Variants in PDHX observed in about 807,000 individuals in gnomAD.
PDHX encodes pyruvate dehydrogenase protein X component, mitochondrial.
PDHX carries 33 observed loss-of-function variants against 55.3 expected under a neutral mutation model. The ratio of observed to expected loss-of-function variants is 0.60; its 90% CI spans 0.45 to 0.80. The LOEUF is 0.80. Ranked by LOEUF, PDHX falls within the 30% of genes least tolerant of loss-of-function variation. The pLI is 0.00. For missense variants in PDHX, 622 were observed against 619.9 expected, an observed-to-expected ratio of 1.00 and a Z score of -0.04; for synonymous variants, 226 against 219.4, an observed-to-expected ratio of 1.03 and a Z score of -0.27.
chr11:34,916,845 T>G, intron 1 of PDHX, 30 bp downstream of exon 1: 38 of 1,537,192 alleles, frequency 2.5e-5, no homozygotes, highest in Non-Finnish European at 3.3e-5. Flanking sequence ...TCAGCTTCTC[T>G]GTGTAGCTGA....
chr11:34,992,654 C>T (rs923861760), intron 10 of PDHX, among the ~76,000 whole-genome samples: 3 of 152,050 alleles, frequency 2.0e-5, no homozygotes, highest in African/African-American at 7.2e-5. Context: ...TGACCCACCC[C>T]CAATATTAAT....
intron 1 of PDHX, among the ~76,000 whole-genome samples, chr11:34,918,454 A>G (rs1163196493): frequency 1.5e-5 from 2 of 134,006 alleles, no homozygotes; most frequent in Non-Finnish European, 3.2e-5. Context: ...AAAAAAAAAA[A>G]AGTATACATA....
At chr11:34,947,401 G>A (rs1854646213) in intron 2 of PDHX, 105 bp from the exon 3 acceptor site, 1 of 770,940 alleles carries the variant, frequency 1.3e-6, no homozygotes, top group African/African-American at 1.8e-5. Context: ...CCCAGAAATA[G>A]CTACGGAATA....
chr11:34,930,557 A>G (rs562063761), intron 1 of PDHX, among the ~76,000 whole-genome samples: 17 of 152,340 alleles, frequency 1.1e-4, no homozygotes, highest in East Asian at 3.9e-4. Context: ...AATAGGGTCT[A>G]TGGAAAGCTA....
At chr11:34,970,912 A>T (rs966285464) in intron 7 of PDHX, among the ~76,000 whole-genome samples, 2 of 152,214 alleles carry the variant, frequency 1.3e-5, no homozygotes, top group Admixed American at 6.5e-5. Flanking sequence ...TTTTTTTAAA[A>T]GCAAAAGTGG....
chr11:34,918,469 C>T (rs1455475551), intron 1 of PDHX, among the ~76,000 whole-genome samples: 1 of 151,502 alleles, frequency 6.6e-6, no homozygotes, highest in African/African-American at 2.4e-5. Context: ...TACATAGGCC[C>T]AGTTTAATGC....
chr11:34,984,534 G>T, intron 8 of PDHX, 36 bp from the exon 9 acceptor site: 1 of 1,603,776 alleles, frequency 6.2e-7, no homozygotes. Context: ...GTCTAAAGCT[G>T]CTTTTTTAGT....
chr11:34,935,577 C>A (rs1234461586), intron 2 of PDHX, among the ~76,000 whole-genome samples: 2 of 152,126 alleles, frequency 1.3e-5, no homozygotes, highest in African/African-American at 4.8e-5. Flanking sequence ...TCTTTTAGCA[C>A]CCTATGTAGC....
intron 9 of PDHX, among the ~76,000 whole-genome samples, chr11:34,985,080 T>A (rs1855611822): frequency 6.6e-6 from 1 of 152,236 alleles, no homozygotes; most frequent in Admixed American, 6.5e-5. Flanking sequence ...TGTATTTCTA[T>A]GGACCTCAAT....
At chr11:34,989,317 C>G (rs11032970) in intron 9 of PDHX, among the ~76,000 whole-genome samples, 7,768 of 152,242 alleles carry the variant, frequency 0.051, 283 homozygotes, top group African/African-American at 0.098. Flanking sequence ...ATTTCAGGCA[C>G]CTACTGTGGG....
At chr11:34,945,859 A>C (rs1308158227) in intron 2 of PDHX, among the ~76,000 whole-genome samples, 1 of 152,184 alleles carries the variant, frequency 6.6e-6, no homozygotes, top group African/African-American at 2.4e-5. Context: ...AGCTACACAG[A>C]TCCGTATGCC....
chr11:34,969,163 G>A (rs551710790), intron 6 of PDHX, among the ~76,000 whole-genome samples: 2 of 152,104 alleles, frequency 1.3e-5, no homozygotes, highest in African/African-American at 4.8e-5. Flanking sequence ...TTTATGGTAG[G>A]CTATGCTAAG....
chr11:34,953,640 A>G (rs932788868), intron 3 of PDHX, among the ~76,000 whole-genome samples: 4 of 152,160 alleles, frequency 2.6e-5, no homozygotes, highest in Admixed American at 6.5e-5. Context: ...GCTGCATGAT[A>G]ATTTTGATCA....
intron 9 of PDHX, among the ~76,000 whole-genome samples, chr11:34,986,847 T>C (rs1317757819): frequency 6.6e-6 from 1 of 152,214 alleles, no homozygotes; most frequent in East Asian, 1.9e-4. Flanking sequence ...TTTGCTGAGC[T>C]ATGGCTGCCC....
chr11:34,949,292 A>G (rs1017752485), intron 3 of PDHX, among the ~76,000 whole-genome samples: 1 of 130,492 alleles, frequency 7.7e-6, no homozygotes, highest in Non-Finnish European at 1.5e-5. Context: ...CTTGTTGCCC[A>G]GGCTGGACAC....
intron 2 of PDHX, 86 bp from the exon 3 acceptor site, chr11:34,947,420 T>A: frequency 1.1e-6 from 1 of 880,718 alleles, no homozygotes; most frequent in Non-Finnish European, 1.8e-6. Context: ...TATTTTGGTA[T>A]TTATTTATGT....
intron 7 of PDHX, among the ~76,000 whole-genome samples, chr11:34,971,335 G>C (rs1470725315): frequency 6.6e-6 from 1 of 151,970 alleles, no homozygotes; most frequent in Admixed American, 6.6e-5. Context: ...TAGGACCTCT[G>C]TCTGGTATAA....
At chr11:34,919,946 T>C (rs1361693371) in intron 1 of PDHX, among the ~76,000 whole-genome samples, 1 of 152,202 alleles carries the variant, frequency 6.6e-6, no homozygotes, top group Non-Finnish European at 1.5e-5. Context: ...TTAAGGTATT[T>C]GTAGTCTCTT....
intron 1 of PDHX, among the ~76,000 whole-genome samples, chr11:34,926,772 G>A (rs1854033455): frequency 6.8e-6 from 1 of 146,204 alleles, no homozygotes; most frequent in South Asian, 2.4e-4. Context: ...TTTGTTCTTA[G>A]GATAAAAGAA....
Sources: allele counts gnomAD v4.1 joint callset (sites outside exome capture counted in the v4.1 genomes callset), GRCh38; gene constraint gnomAD v4.1.1; transcripts MANE v1.5; gene names NCBI Gene and HGNC (gene_info 2026-07-23, HGNC 2026-07-21).